The following ADGRB1 variants were observed in gnomAD, a reference collection of about 807,000 sequenced individuals.
The protein encoded by ADGRB1 is brain-specific angiogenesis inhibitor 1.
In ADGRB1, 36 loss-of-function variants were observed where a neutral mutation model predicts 175.7. The observed-to-expected ratio is 0.20, with a 90% CI of 0.16 to 0.27. ADGRB1 has a LOEUF of 0.27. ADGRB1 is among the 10% of genes least tolerant of loss of function. The probability of loss-of-function intolerance (pLI) is 1.00; values close to 1 mark genes in which losing one functional copy is unlikely to be tolerated. For synonymous variants in ADGRB1, 1,054 were observed against 979.4 expected (o/e 1.08, Z -1.42); for missense variants, 1,731 against 2,255.3 (o/e 0.77, Z 4.71).
Position 142,516,238 on chromosome 8 carries a change from CG to C in ADGRB1, c.2818-1899del, listed in dbSNP as rs1563731033. Among the ~76,000 whole-genome samples the C allele has an allele frequency of 1.5e-3, 133 of 86,346 alleles. 1 individual carries two copies. Among genetic ancestry groups the C allele is most frequent in the Non-Finnish European group, 2.6e-3 (113 of 44,032 alleles). 56.6% of individuals were successfully genotyped at this position (86,346 alleles called of 152,430 possible). ...TGTGCGGGCCCCAGGTGTGTGTGTG[CG>C]TGTGCGGGCCCCAGGTGCGTGCGTC... On this transcript the variant is annotated intron_variant, in intron 18 of 30. Coordinates refer to ENST00000517894, the MANE Select transcript of ADGRB1 (RefSeq NM_001702.3).
intron 3 of ADGRB1, 115 bp from the exon 4 acceptor site, chr8:142,476,470 A>G: frequency 1.1e-6 from 1 of 906,700 alleles, no homozygotes; most frequent in East Asian, 2.7e-5. Context: ...CCTGGCTCCC[A>G]GCTGCCCAGT....
chr8:142,518,245 G>A lies in ADGRB1; in HGVS notation c.2921+4G>A. ...TCATCTACGTGTCCGTGTGGAGGTG[G>A]GTGCCGCCCAGGTGCTGGGCATGCA... On this transcript the variant is annotated splice_donor_region_variant and intron_variant, in intron 19 of 30. Coordinates refer to ENST00000517894, the MANE Select transcript of ADGRB1 (RefSeq NM_001702.3). 3 of 1,613,234 alleles carry A rather than the reference G, an allele frequency of 1.9e-6. No individual in the cohort carries two copies. The highest frequency in any genetic ancestry group is 2.5e-6 in the Non-Finnish European group (3 of 1,179,608).
At position 142,492,484 on chromosome 8, in the gene ADGRB1, G is replaced by A. The variant is rs1842027500; in HGVS notation, c.2675+1669G>A. 6.6e-6 allele frequency among the ~76,000 whole-genome samples: 1 copy of A among 152,178 alleles called. No homozygotes were observed. The highest frequency in any genetic ancestry group is 2.4e-5 in the African/African-American group (1 of 41,440). On this transcript the variant is annotated intron_variant, in intron 17 of 30. Transcript: ENST00000517894. This position sits in a 1 kb window ranked among gnomAD's most constrained non-coding sequence, Gnocchi z 4.4. ...CAAGCAGGGTCATGCACGCCTCCGA[G>A]GGAAGGGGAGGTTTCGGCAGAGGCC...
At chr8:142,476,771 T>C in intron 4 of ADGRB1, 76 bp downstream of exon 4, 7 of 1,353,558 alleles carry the variant, frequency 5.2e-6, no homozygotes, top group Non-Finnish European at 7.0e-6. Context: ...CAGCTAGTTA[T>C]GGGTAGTAAC....
chr8:142,480,563 G>T (rs960959886), intron 9 of ADGRB1, among the ~76,000 whole-genome samples: 1 of 152,210 alleles, frequency 6.6e-6, no homozygotes, highest in South Asian at 2.1e-4. Flanking sequence ...CGTGAATGCC[G>T]CACGGTGGCG....
Position 142,478,215 on chromosome 8 carries a change from G to C in ADGRB1, c.1416G>C (p.Glu472Asp). Residue 472 changes from glutamate to aspartate, a missense_variant, in exon 7 of 31, where the codon GAG (glutamate) becomes GAC (aspartate). Coordinates refer to ENST00000517894, the MANE Select transcript of ADGRB1 (RefSeq NM_001702.3). ...GGGCAGTGGATGGAAACTGGAATGAGTGGTCGAGCTGGAGCGCCTGCTCCG... is the reference window on the plus strand; with the variant it reads ...GGGCAGTGGATGGAAACTGGAATGACTGGTCGAGCTGGAGCGCCTGCTCCG... ...PGRAVDGNWN[E>D]WSSWSACSAS... 1.2e-6 allele frequency: 2 copies of C among 1,607,624 alleles called. No homozygotes were observed. Among genetic ancestry groups the C allele is most frequent in the Non-Finnish European group, 8.5e-7 (1 of 1,177,834 alleles).
chr8:142,462,699 G>A (rs1346182996), intron 1 of ADGRB1, among the ~76,000 whole-genome samples: 2 of 152,270 alleles, frequency 1.3e-5, no homozygotes, highest in African/African-American at 4.8e-5. Flanking sequence ...GCGGTCAGCA[G>A]AGCGGAGGCA....
rs1347225733 is a variant in ADGRB1, at chr8:142,523,194, T to C, written c.3245+484T>C. 2.6e-5 allele frequency among the ~76,000 whole-genome samples: 4 copies of C among 152,198 alleles called. No homozygotes were observed. The South Asian group carries it at 6.2e-4, about 24-fold the overall frequency. ...CTGAAGGGTCAGCTGGACCAGGTCC[T>C]TGGGGCCTTAAATGGCAAGCCAGGA... is the stretch of plus-strand genomic sequence containing the variant. On this transcript the variant is annotated intron_variant, in intron 22 of 30. Coordinates refer to ENST00000517894, the MANE Select transcript of ADGRB1 (RefSeq NM_001702.3).
chr8:142,484,658 G>T lies in ADGRB1; in HGVS notation c.2202G>T (p.Ala734=). 1 of 1,608,414 alleles carries T rather than the reference G, an allele frequency of 6.2e-7. No homozygotes were observed. ...CTGCTCACCCCCCTGCCCTCCAGGC[G>T]GGCCCCAACGCCAAGGAGCTGTTCC... ...NRDKWEEAQL[A]GPNAKELFRL... is the part of the protein sequence containing the mutation. The change falls in exon 13 of 31, where the codon GCG becomes GCT. Residue 734 remains alanine (A), a splice_region_variant and synonymous_variant. Transcript: ENST00000517894.
intron 13 of ADGRB1, among the ~76,000 whole-genome samples, chr8:142,485,590 C>T (rs1256965563): frequency 2.6e-5 from 4 of 152,246 alleles, no homozygotes; most frequent in Non-Finnish European, 5.9e-5. Context: ...GGGGATGCTT[C>T]ACCTTTAGTG....
rs543146975 is a variant in ADGRB1, at chr8:142,537,717, C to T, written c.3666+635C>T. Among the ~76,000 whole-genome samples, 1 of 152,270 alleles carries T rather than the reference C, an allele frequency of 6.6e-6. No homozygotes were observed. The highest frequency in any genetic ancestry group is 2.1e-4 in the South Asian group (1 of 4,828). On this transcript the variant is annotated intron_variant, in intron 26 of 30. Transcript: ENST00000517894. This position sits in a 1 kb window ranked among gnomAD's most constrained non-coding sequence, Gnocchi z 4.6. ...GCCCCTGCCTGTGCCTGCGCCTGTC[C>T]TCTTTACAGCACAGCGTTCCCACGA...
intron 1 of ADGRB1, among the ~76,000 whole-genome samples, chr8:142,452,995 A>G (rs949632183): frequency 6.8e-6 from 1 of 147,532 alleles, no homozygotes; most frequent in East Asian, 2.0e-4. Context: ...CTCCGGCCCC[A>G]TCTTGGGCAG....
At chr8:142,475,388 C>A in intron 2 of ADGRB1, 86 bp from the exon 3 acceptor site, 1 of 1,219,002 alleles carries the variant, frequency 8.2e-7, no homozygotes, top group South Asian at 4.1e-5. Flanking sequence ...GGGCCGGCCT[C>A]GGCGGGCTTA....
At position 142,477,202 on chromosome 8, in the gene ADGRB1, G is replaced by C; in HGVS notation, c.1146G>C (p.Val382=). 1 of 1,597,808 alleles carries C rather than the reference G, an allele frequency of 6.3e-7. No individual in the cohort carries two copies. Among genetic ancestry groups the C allele is most frequent in the Non-Finnish European group, 8.5e-7 (1 of 1,177,694 alleles). ...EGWQTRTRFC[V]SSSYSTQCSG... The stretch of plus-strand genomic sequence containing the variant: ...GGCAGACCCGCACGCGCTTCTGCGT[G>C]TCCTCCTCCTACAGCACGCAGTGCA... The change falls in exon 5 of 31, where the codon GTG becomes GTC. Residue 382 remains valine (V), a synonymous_variant. Coordinates refer to ENST00000517894, the MANE Select transcript of ADGRB1 (RefSeq NM_001702.3).
At chr8:142,496,945 C>G (rs988634500) in intron 17 of ADGRB1, among the ~76,000 whole-genome samples, 1 of 152,204 alleles carries the variant, frequency 6.6e-6, no homozygotes, top group Non-Finnish European at 1.5e-5. Flanking sequence ...GCTCTCAGAA[C>G]CCTTATTCTG....
At chr8:142,487,400 C>A (rs1346496716) in intron 13 of ADGRB1, among the ~76,000 whole-genome samples, 2 of 152,182 alleles carry the variant, frequency 1.3e-5, no homozygotes, top group Non-Finnish European at 2.9e-5. Context: ...CCTCCGCTCA[C>A]TGGGTGCTGA....
intron 19 of ADGRB1, among the ~76,000 whole-genome samples, chr8:142,518,471 AG>A (rs1166424246): frequency 6.6e-6 from 1 of 152,078 alleles, no homozygotes; most frequent in Non-Finnish European, 1.5e-5. Flanking sequence ...GCACAAACAC[AG>A]GGGGTGGGGC....
intron 2 of ADGRB1, among the ~76,000 whole-genome samples, chr8:142,475,163 GACGC>G (rs1840884833): frequency 6.6e-6 from 1 of 152,204 alleles, no homozygotes. Context: ...TTACCATCAG[GACGC>G]TGTGCTCTGA....
At chr8:142,526,172 G>A (rs1844172019) in intron 23 of ADGRB1, among the ~76,000 whole-genome samples, 1 of 152,200 alleles carries the variant, frequency 6.6e-6, no homozygotes, top group Non-Finnish European at 1.5e-5. Flanking sequence ...CCAGAGCAGA[G>A]AGCCAGGAGG....
Sources: gnomAD v4.1 joint callset for allele counts (sites outside exome capture counted in the v4.1 genomes callset) on GRCh38, gnomAD v4.1.1 for gene constraint, Gnocchi (gnomAD v3.1) non-coding constraint, MANE v1.5 for transcripts, NCBI Gene and HGNC (gene_info 2026-07-23, HGNC 2026-07-21) for gene names.